Variants in CLEC12A observed in about 807,000 individuals in gnomAD.
CLEC12A encodes the protein C-type lectin protein CLL-1.
CLEC12A carries 22 observed loss-of-function variants against 26.5 expected under a neutral mutation model. The observed-to-expected ratio is 0.83, with a 90% CI of 0.59 to 1.19. The LOEUF (loss-of-function observed/expected upper bound fraction) is 1.19. CLEC12A is among the 50% of genes most tolerant of loss of function. The pLI is 0.00. For synonymous variants in CLEC12A, 119 were observed against 101.9 expected (o/e 1.17, Z -1.01); for missense variants, 353 against 315.6 (o/e 1.12, Z -0.90).
Position 9,971,413 on chromosome 12 carries a change from C to T in CLEC12A, c.-184C>T. The T allele has an allele frequency of 8.2e-7, 1 of 1,223,360 alleles. No homozygotes were observed. Among genetic ancestry groups the T allele is most frequent in the Non-Finnish European group, 1.0e-6 (1 of 978,152 alleles). 75.8% of individuals were successfully genotyped at this position (1,223,360 alleles called of 1,614,324 possible). A position where few individuals can be genotyped will look rare whatever the true frequency, so the allele number is the denominator to read the frequency against. ...CTGAAGCCACAGATGAGATTTGGCT[C>T]ATTTGCAGACATATGGGTGATTGGT... On this transcript the variant is annotated 5_prime_UTR_variant, in exon 1 of 6. Coordinates refer to ENST00000304361, the MANE Select transcript of CLEC12A (RefSeq NM_138337.6).
intron 1 of CLEC12A, among the ~76,000 whole-genome samples, chr12:9,954,199 T>G (rs1386848161): frequency 8.6e-5 from 9 of 104,884 alleles, no homozygotes; most frequent in Non-Finnish European, 1.1e-4. Flanking sequence ...ACCCAAGAAT[T>G]ATCAATAAAA....
At chr12:9,952,125 C>T (rs1318461852) in intron 1 of CLEC12A, 2 of 124,286 alleles carry the variant, frequency 1.6e-5, no homozygotes, top group Non-Finnish European at 3.4e-5. Flanking sequence ...CGCTCTCCCT[C>T]TCCCTCTCCC....
At chr12:9,965,765 G>A (rs1337493016) in intron 1 of CLEC12A, among the ~76,000 whole-genome samples, 2 of 152,042 alleles carry the variant, frequency 1.3e-5, no homozygotes, top group Non-Finnish European at 2.9e-5. Flanking sequence ...TGCTGTAGCA[G>A]GAGAGTGATA....
the CLEC12A span, among the ~76,000 whole-genome samples, chr12:10,004,751 C>T: frequency 6.6e-6 from 1 of 151,878 alleles, no homozygotes; most frequent in African/African-American, 2.4e-5. Context: ...TGCCAGGGAA[C>T]CACTCTCTTC....
At chr12:9,968,790 T>C (rs1329903615), upstream of CLEC12A, among the ~76,000 whole-genome samples, 3 of 152,242 alleles carry the variant, frequency 2.0e-5, no homozygotes, top group Non-Finnish European at 1.5e-5. Context: ...GATTGTCTCT[T>C]AGTATTCAAC....
the CLEC12A span, among the ~76,000 whole-genome samples, chr12:10,002,028 C>T: frequency 1.3e-5 from 2 of 151,916 alleles, no homozygotes. Flanking sequence ...TACAGGCGCC[C>T]ACCACCACGC....
At chr12:9,997,372 C>A, downstream of CLEC12A, 1 of 1,181,000 alleles carries the variant, frequency 8.5e-7, no homozygotes, top group East Asian at 2.6e-5. Context: ...CTTAACTTTG[C>A]CAATATATGA....
chr12:9,980,908 C>A (rs1481032349), intron 4 of CLEC12A, among the ~76,000 whole-genome samples, 175 bp downstream of exon 4: 1 of 152,064 alleles, frequency 6.6e-6, no homozygotes, highest in African/African-American at 2.4e-5. Flanking sequence ...AAGTTTAGGA[C>A]CTTAGCATAA....
chr12:9,955,834 A>G (rs676397), intron 1 of CLEC12A, among the ~76,000 whole-genome samples: 132,504 of 152,232 alleles, frequency 0.87, 57,912 homozygotes, highest in Middle Eastern at 0.92. Context: ...AAACCTGAAA[A>G]TCAAACCTGA....
At chr12:9,993,368 T>A (rs756482969) in intron 4 of CLEC12A, 1 of 1,059,474 alleles carries the variant, frequency 9.4e-7, no homozygotes, top group Non-Finnish European at 1.4e-6. Flanking sequence ...AGTAGTTTGA[T>A]GCACCAAATA....
At chr12:9,995,917 G>A (rs932983055), downstream of CLEC12A, among the ~76,000 whole-genome samples, 3 of 152,018 alleles carry the variant, frequency 2.0e-5, no homozygotes, top group African/African-American at 7.2e-5. Flanking sequence ...CTTACTAACT[G>A]CATAGGTCCA....
intron 1 of CLEC12A, among the ~76,000 whole-genome samples, chr12:9,959,091 G>T (rs758684467): frequency 2.0e-5 from 3 of 152,170 alleles, no homozygotes; most frequent in Non-Finnish European, 4.4e-5. Flanking sequence ...CAGTTCATCT[G>T]CATCTTGTTA....
chr12:10,002,338 C>T, the CLEC12A span, among the ~76,000 whole-genome samples: 35 of 151,924 alleles, frequency 2.3e-4, no homozygotes, highest in African/African-American at 7.7e-4. Context: ...GAAATTGGTG[C>T]TGAGTATTCA....
intron 1 of CLEC12A, among the ~76,000 whole-genome samples, chr12:9,972,903 A>G (rs1226467336): frequency 2.0e-5 from 3 of 152,052 alleles, no homozygotes; most frequent in Non-Finnish European, 4.4e-5. Flanking sequence ...CATGAGCCTA[A>G]TATTACCAAC....
At chr12:9,990,523 A>G (rs559209129), downstream of CLEC12A, among the ~76,000 whole-genome samples, 29 of 152,332 alleles carry the variant, frequency 1.9e-4, 1 homozygote, top group African/African-American at 6.7e-4. Flanking sequence ...ATGCAATTTT[A>G]TCAGGAAACT....
the CLEC12A span, among the ~76,000 whole-genome samples, chr12:10,003,773 G>A: frequency 2.6e-5 from 4 of 152,070 alleles, no homozygotes; most frequent in East Asian, 1.9e-4. Flanking sequence ...AAACTTAGCC[G>A]GGAGTGGTGG....
chr12:9,995,234 C>T, exon 5 of CLEC12A: 1 of 1,612,354 alleles, frequency 6.2e-7, no homozygotes, highest in Non-Finnish European at 8.5e-7. Flanking sequence ...TGAGTCCTGG[C>T]TTTGATGTAC....
intron 1 of CLEC12A, among the ~76,000 whole-genome samples, chr12:9,961,262 G>C (rs1863824590): frequency 6.6e-6 from 1 of 152,200 alleles, no homozygotes; most frequent in African/African-American, 2.4e-5. Flanking sequence ...AATGAAGCGT[G>C]TTCGACACGC....
chr12:10,001,289 C>T, the CLEC12A span, among the ~76,000 whole-genome samples: 1 of 152,158 alleles, frequency 6.6e-6, no homozygotes, highest in East Asian at 1.9e-4. Flanking sequence ...AGGATTAGTT[C>T]TTGATCCTTT....
Sources: allele counts gnomAD v4.1 joint callset (sites outside exome capture counted in the v4.1 genomes callset), GRCh38; gene constraint gnomAD v4.1.1; transcripts MANE v1.5; gene names NCBI Gene and HGNC (gene_info 2026-07-23, HGNC 2026-07-21).